The following OTOGL variants were observed in gnomAD, a reference collection of about 807,000 sequenced individuals.
The protein encoded by OTOGL is otogelin like.
A neutral mutation model predicts 318.5 loss-of-function variants in OTOGL; 285 were observed. The observed-to-expected ratio is 0.89, with a 90% confidence interval of 0.81 to 0.99. The LOEUF (loss-of-function observed/expected upper bound fraction) is 0.99. OTOGL is among the 50% of genes least tolerant of loss of function. The pLI is 0.00. For missense variants in OTOGL, 2,899 were observed against 2,845.6 expected (o/e 1.02, Z -0.43); for synonymous variants, 987 against 936.5 (o/e 1.05, Z -0.99).
At chr12:80,364,379 G>T (rs1890405938) in intron 52 of OTOGL, among the ~76,000 whole-genome samples, 1 of 151,994 alleles carries the variant, frequency 6.6e-6, no homozygotes, top group African/African-American at 2.4e-5. Context: ...TGTATGTTAG[G>T]CCTTTGCATT....
At chr12:80,336,705 T>C (rs1888429847) in intron 40 of OTOGL, 92 bp from the exon 41 acceptor site, 3 of 1,406,132 alleles carry the variant, frequency 2.1e-6, no homozygotes, top group African/African-American at 1.5e-5. Context: ...CTGAAAACCT[T>C]TCTTATCAAT....
intron 1 of OTOGL, among the ~76,000 whole-genome samples, chr12:80,128,501 G>A (rs1399324506): frequency 6.6e-6 from 1 of 152,210 alleles, no homozygotes; most frequent in Non-Finnish European, 1.5e-5. Flanking sequence ...ACCCACTTGA[G>A]GAGGCAGTCT....
Position 80,149,765 on chromosome 12 carries a change from T to C in OTOGL, c.-20+50160T>C, listed in dbSNP as rs4390401. The stretch of plus-strand genomic sequence containing the variant: ...TCCAAGCCAGGTGTGGGATATAATC[T>C]TGTGGTGCACCGTTTTTTAAGCCCG... On this transcript the variant is annotated intron_variant, in intron 1 of 58. Coordinates refer to ENST00000547103, the MANE Select transcript of OTOGL (RefSeq NM_001378609.3). 3.8e-3 allele frequency among the ~76,000 whole-genome samples: 582 copies of C among 152,338 alleles called. 3 individuals carry two copies. Among genetic ancestry groups the C allele is most frequent in the African/African-American group, 0.013 (555 of 41,584 alleles).
intron 2 of OTOGL, 95 bp downstream of exon 2, chr12:80,209,605 G>T: frequency 1.3e-6 from 1 of 795,738 alleles, no homozygotes; most frequent in Non-Finnish European, 1.9e-6. Context: ...GCACTTTGAA[G>T]TCATTAGAAT....
rs1376384 is a variant in OTOGL, at chr12:80,278,284, A to G, written c.2789+9A>G. On this transcript the variant is annotated intron_variant, in intron 25 of 58. Transcript: ENST00000547103. ...ACACCGTGTTACACCTGGTAAGGAG[A>G]TCCATTTATTTCACAAATATTTTCC... The G allele has an allele frequency of 0.68, 1,018,808 of 1,494,294 alleles. 352,656 individuals are homozygous for G. The highest frequency in any genetic ancestry group is 0.96 in the East Asian group (38,918 of 40,546). The allele number at this position is 1,494,294 out of a possible 1,614,324, so 92.6% of individuals were successfully genotyped here.
At chr12:80,361,832 T>G (rs1890254985) in intron 52 of OTOGL, among the ~76,000 whole-genome samples, 1 of 152,192 alleles carries the variant, frequency 6.6e-6, no homozygotes, top group Non-Finnish European at 1.5e-5. Flanking sequence ...GCTTATTTGT[T>G]TTTCTTGATA....
At position 80,339,251 on chromosome 12, in the gene OTOGL, A is replaced by C. The variant is rs571090133; in HGVS notation, c.5037A>C (p.Thr1679=). ...FGFRFNLSSY[T]EGLCGICNED... is the part of the protein sequence containing the mutation. ...TCCGATTTAACTTGTCATCCTACACAGAAGGACTCTGTGGTGAGCGCTGCC... is the reference window on the plus strand; with the variant it reads ...TCCGATTTAACTTGTCATCCTACACCGAAGGACTCTGTGGTGAGCGCTGCC... Residue 1679 remains threonine, a synonymous_variant, in exon 43 of 59, where the codon ACA becomes ACC. Coordinates refer to ENST00000547103, the MANE Select transcript of OTOGL (RefSeq NM_001378609.3). 1 of 1,605,830 alleles carries C rather than the reference A, an allele frequency of 6.2e-7. No individual in the cohort carries two copies.
rs773375103 is a variant in OTOGL, at chr12:80,378,335, A to G, written c.*287A>G. On this transcript the variant is annotated 3_prime_UTR_variant, in exon 59 of 59. Coordinates refer to ENST00000547103, the MANE Select transcript of OTOGL (RefSeq NM_001378609.3). Reference sequence around the variant, plus strand: ...GGTGCAGATACAGTATATTCTCATCAACTGGAAGGTTATTTTGCAAAATTC... The same window carrying G: ...GGTGCAGATACAGTATATTCTCATCGACTGGAAGGTTATTTTGCAAAATTC... 4 of 238,744 alleles carry G rather than the reference A, an allele frequency of 1.7e-5. No individual in the cohort carries two copies. The highest frequency in any genetic ancestry group is 2.4e-5 in the Non-Finnish European group (3 of 122,708). The allele number at this position is 238,744 out of a possible 1,614,324, so 14.8% of individuals were successfully genotyped here. A position where few individuals can be genotyped will look rare whatever the true frequency, so the allele number is the denominator to read the frequency against.
chr12:80,337,012 T>C lies in OTOGL; in HGVS notation c.4860+8T>C. On this transcript the variant is annotated splice_region_variant and intron_variant, in intron 42 of 58. Transcript: ENST00000547103. ...AATCGGTTGGCAAGAAAGGTAAGAA[T>C]ACAAAGTTAAAATTTTTTCTCACAT... The C allele has an allele frequency of 6.5e-7, 1 of 1,546,496 alleles. No homozygotes were observed.
chr12:80,370,803 T>C (rs764140253), intron 56 of OTOGL, 114 bp downstream of exon 56: 2 of 748,008 alleles, frequency 2.7e-6, no homozygotes, highest in Non-Finnish European at 3.8e-6. Flanking sequence ...GCGAATGTGT[T>C]ATTTTCATGA....
At position 80,265,179 on chromosome 12, in the gene OTOGL, C is replaced by A; in HGVS notation, c.2193C>A (p.Pro731=). The change falls in exon 20 of 59, where the codon CCC becomes CCA. Residue 731 remains proline (P), a synonymous_variant. Transcript: ENST00000547103. ...YAYLCGQHGV[P]IDFRTQISFC... is the part of the protein sequence containing the mutation. Reference sequence around the variant, plus strand: ...ACCTCTGCGGCCAGCACGGTGTTCCCATTGATTTCAGAACTCAGATTTCTT... The same window carrying A: ...ACCTCTGCGGCCAGCACGGTGTTCCAATTGATTTCAGAACTCAGATTTCTT... The A allele has an allele frequency of 6.2e-7, 1 of 1,613,748 alleles. No homozygotes were observed. Among genetic ancestry groups the A allele is most frequent in the Non-Finnish European group, 8.5e-7 (1 of 1,179,832 alleles).
chr12:80,270,247 A>T, intron 23 of OTOGL, 93 bp downstream of exon 23: 1 of 1,022,876 alleles, frequency 9.8e-7, no homozygotes, highest in Non-Finnish European at 1.5e-6. Context: ...CTTCTTCCCA[A>T]TGTGCATGGC....
chr12:80,358,273 T>A lies in OTOGL; in HGVS notation c.6045T>A (p.Val2015=). ...FCVCESCTKP[V]PLCHDGEFLT... ...TTTGTGAATCTTGCACCAAACCTGTTCCACTATGTCATGATGGGGAATTTC... is the reference window on the plus strand; with the variant it reads ...TTTGTGAATCTTGCACCAAACCTGTACCACTATGTCATGATGGGGAATTTC... The change falls in exon 50 of 59, where the codon GTT becomes GTA. Residue 2015 remains valine (V), a synonymous_variant. Coordinates refer to ENST00000547103, the MANE Select transcript of OTOGL (RefSeq NM_001378609.3). 1 of 1,611,996 alleles carries A rather than the reference T, an allele frequency of 6.2e-7. No homozygotes were observed. Among genetic ancestry groups the A allele is most frequent in the Non-Finnish European group, 8.5e-7 (1 of 1,178,680 alleles).
chr12:80,259,549 C>G lies in OTOGL; in HGVS notation c.1889+1547C>G, dbSNP rs180836663. Among the ~76,000 whole-genome samples, 35 of 152,018 alleles carry G rather than the reference C, an allele frequency of 2.3e-4. No homozygotes were observed. The East Asian group carries it at 5.4e-3, about 24-fold the overall frequency. On this transcript the variant is annotated intron_variant, in intron 18 of 58. Transcript: ENST00000547103. ...CCTCCCCTAGCCCCACACCCCCAGA[C>G]AGGCCCCAGTGTGTGATACTCCCCT...
Position 80,368,218 on chromosome 12 carries a change from C to A in OTOGL, c.6524C>A (p.Thr2175Asn). Reference protein sequence around the residue: ...SKKCDVHQVYTPSPSDYGCCG... With the variant: ...SKKCDVHQVYNPSPSDYGCCG... ...CATTATATGCAGCACCAGGTATATACTCCATCCCCAAGTGATTATGGTTGT... is the reference window on the plus strand; with the variant it reads ...CATTATATGCAGCACCAGGTATATAATCCATCCCCAAGTGATTATGGTTGT... The change falls in exon 55 of 59, where the codon ACT becomes AAT. Residue 2175 changes from threonine (T) to asparagine (N), a missense_variant. Around this residue, in one of 3 missense-constraint regions of OTOGL, gnomAD observed 289 missense variants for 304.6 expected, o/e 0.95. Transcript: ENST00000547103. 2 of 1,598,078 alleles carry A rather than the reference C, an allele frequency of 1.3e-6. No individual in the cohort carries two copies. Among genetic ancestry groups the A allele is most frequent in the Middle Eastern group, 3.3e-4 (2 of 6,034 alleles).
At chr12:80,169,425 T>C (rs1874040184) in intron 1 of OTOGL, among the ~76,000 whole-genome samples, 1 of 152,196 alleles carries the variant, frequency 6.6e-6, no homozygotes, top group African/African-American at 2.4e-5. Context: ...TTGTGTCACA[T>C]CCTGCTCAAA....
chr12:80,220,841 T>A (rs758710418), intron 6 of OTOGL, among the ~76,000 whole-genome samples: 4 of 152,154 alleles, frequency 2.6e-5, no homozygotes, highest in Admixed American at 2.0e-4. Context: ...TTAAACTTGT[T>A]ACAGGTGCTG....
chr12:80,256,291 C>T, intron 16 of OTOGL, 46 bp from the exon 17 acceptor site: 1 of 1,561,170 alleles, frequency 6.4e-7, no homozygotes, highest in South Asian at 1.1e-5. Context: ...TTCTATGGCT[C>T]TCTCTCTCTC....
intron 9 of OTOGL, among the ~76,000 whole-genome samples, chr12:80,236,740 A>G (rs2137422291): frequency 6.6e-6 from 1 of 152,082 alleles, no homozygotes; most frequent in South Asian, 2.1e-4. Flanking sequence ...GAGACAAAGC[A>G]GCAGGCCAGA....
Sources: allele counts gnomAD v4.1 joint callset (sites outside exome capture counted in the v4.1 genomes callset), GRCh38; gene constraint gnomAD v4.1.1; regional missense constraint gnomAD v4.1.1; transcripts MANE v1.5; gene names NCBI Gene and HGNC (gene_info 2026-07-23, HGNC 2026-07-21).